The following PCDHA10 variants were observed in gnomAD, a reference collection of about 807,000 sequenced individuals.
PCDHA10 encodes the protein protocadherin alpha-10.
Under a neutral mutation model 61.2 loss-of-function variants are expected in PCDHA10, and 45 were observed. That is an observed-to-expected ratio of 0.74 (90% confidence interval 0.58 to 0.94). The LOEUF (loss-of-function observed/expected upper bound fraction) is 0.94. PCDHA10 is among the 40% of genes least tolerant of loss of function. The probability of loss-of-function intolerance (pLI) is 0.00; values close to 1 mark genes in which losing one functional copy is unlikely to be tolerated. For missense variants in PCDHA10, 1,278 were observed against 1,236.2 expected, an observed-to-expected ratio of 1.03 and a Z score of -0.51; for synonymous variants, 602 against 548.8, an observed-to-expected ratio of 1.10 and a Z score of -1.35.
intron 1 of PCDHA10, among the ~76,000 whole-genome samples, chr5:140,880,574 AGAGAG>A (rs2058389036): frequency 1.3e-5 from 2 of 152,226 alleles, no homozygotes; most frequent in African/African-American, 4.8e-5. Flanking sequence ...GAATTTGAGA[AGAGAG>A]GAAAGAGAAT....
chr5:140,920,277 T>C (rs1275415444), intron 1 of PCDHA10, among the ~76,000 whole-genome samples: 1 of 152,230 alleles, frequency 6.6e-6, no homozygotes, highest in African/African-American at 2.4e-5. Context: ...TTATGTAATC[T>C]TATATTTTTT....
intron 3 of PCDHA10, among the ~76,000 whole-genome samples, chr5:140,992,867 C>T (rs2097531825): frequency 6.6e-6 from 1 of 152,184 alleles, no homozygotes; most frequent in Admixed American, 6.5e-5. Context: ...CTCTAGCTCC[C>T]TCCTTGATAT....
intron 1 of PCDHA10, among the ~76,000 whole-genome samples, chr5:140,925,606 C>A (rs1554202814): frequency 1.3e-5 from 2 of 150,882 alleles, no homozygotes; most frequent in African/African-American, 4.9e-5. Context: ...TGTAACAAAC[C>A]TGCACGTTGT....
chr5:140,968,068 C>T (rs1554230278), intron 1 of PCDHA10: 1 of 1,614,024 alleles, frequency 6.2e-7, no homozygotes, highest in East Asian at 2.2e-5. Context: ...GGGTGGCTGT[C>T]TACAACATCA....
At chr5:140,920,084 T>C (rs2079442648) in intron 1 of PCDHA10, among the ~76,000 whole-genome samples, 1 of 152,196 alleles carries the variant, frequency 6.6e-6, no homozygotes, top group Non-Finnish European at 1.5e-5. Context: ...AGATTCTCCG[T>C]AGAGCCTCTA....
chr5:140,947,905 G>C (rs181055131), intron 1 of PCDHA10, among the ~76,000 whole-genome samples: 1 of 151,610 alleles, frequency 6.6e-6, no homozygotes, highest in East Asian at 1.9e-4. Flanking sequence ...GGTGAGAGCA[G>C]ACATTCTTGC....
chr5:140,898,118 A>T (rs2153459272), intron 1 of PCDHA10, among the ~76,000 whole-genome samples: 1 of 151,730 alleles, frequency 6.6e-6, no homozygotes, highest in Non-Finnish European at 1.5e-5. Context: ...GGTTGCGAAA[A>T]TTTTCTCCCA....
intron 3 of PCDHA10, among the ~76,000 whole-genome samples, chr5:141,000,421 A>ATATAT (rs1265241806): frequency 3.6e-5 from 1 of 27,980 alleles, no homozygotes; most frequent in East Asian, 1.4e-3. Flanking sequence ...ATATATATAT[A>ATATAT]TTTTTTTTTT....
At position 140,978,454 on chromosome 5, in the gene PCDHA10, C is replaced by T. The variant is rs980177257; in HGVS notation, c.2389-495C>T. Among the ~76,000 whole-genome samples, 5 of 152,314 alleles carry T rather than the reference C, an allele frequency of 3.3e-5. No individual in the cohort carries two copies. The South Asian group carries it at 8.3e-4, about 25-fold the overall frequency. ...TGCTGGTGTTATGACTGGGCACATC[C>T]GCCCTGGGTCAAATATGCTGCAGTC... On this transcript the variant is annotated intron_variant, in intron 1 of 3. Coordinates refer to ENST00000307360, the MANE Select transcript of PCDHA10 (RefSeq NM_018901.4).
At chr5:140,882,732 A>C in intron 1 of PCDHA10, 1 of 1,614,228 alleles carries the variant, frequency 6.2e-7, no homozygotes, top group Non-Finnish European at 8.5e-7. Context: ...TTTCCACTAG[A>C]TGGCGCATCC....
chr5:140,859,066 G>A (rs949613185), intron 1 of PCDHA10: 1 of 150,848 alleles, frequency 6.6e-6, no homozygotes, highest in Non-Finnish European at 1.5e-5. Flanking sequence ...TATTTTAGTT[G>A]TAGTGGTACC....
chr5:140,972,391 C>T (rs1554234093), intron 1 of PCDHA10, among the ~76,000 whole-genome samples: 3 of 151,490 alleles, frequency 2.0e-5, no homozygotes, highest in African/African-American at 7.3e-5. Flanking sequence ...TGTTTATTTG[C>T]TTCACTATTG....
At chr5:140,869,359 G>A in intron 1 of PCDHA10, 1 of 1,614,110 alleles carries the variant, frequency 6.2e-7, no homozygotes, top group Non-Finnish European at 8.5e-7. Context: ...CATTTTGTTT[G>A]TGAATTCTCG....
At chr5:140,967,428 C>T (rs782709354) in intron 1 of PCDHA10, 2 of 1,613,402 alleles carry the variant, frequency 1.2e-6, no homozygotes, top group East Asian at 4.5e-5. Context: ...GAGCAGGCAG[C>T]CTTGCACCAC....
At chr5:140,980,684 GAAAA>G (rs782726576) in intron 2 of PCDHA10, among the ~76,000 whole-genome samples, 3 of 145,064 alleles carry the variant, frequency 2.1e-5, no homozygotes, top group Non-Finnish European at 4.6e-5. Flanking sequence ...TTTTCAAATT[GAAAA>G]AAAAAAGCCA....
chr5:140,986,566 TTA>T (rs782155316), intron 3 of PCDHA10, among the ~76,000 whole-genome samples: 3 of 152,114 alleles, frequency 2.0e-5, no homozygotes, highest in Non-Finnish European at 4.4e-5. Context: ...TTGTTATCTG[TTA>T]TTGGTTTTTC....
At chr5:140,982,318 G>A (rs2096977750) in intron 2 of PCDHA10, 157 bp from the exon 3 acceptor site, 3 of 1,356,910 alleles carry the variant, frequency 2.2e-6, no homozygotes, top group Non-Finnish European at 2.9e-6. Context: ...AGTTTATGCA[G>A]GGTGACTGCT....
At chr5:140,909,624 G>A (rs2074611325) in intron 1 of PCDHA10, among the ~76,000 whole-genome samples, 1 of 152,092 alleles carries the variant, frequency 6.6e-6, no homozygotes, top group African/African-American at 2.4e-5. Context: ...GCTCTAATTG[G>A]TCTTCCTATT....
At chr5:140,877,599 C>A in intron 1 of PCDHA10, 1 of 1,613,882 alleles carries the variant, frequency 6.2e-7, no homozygotes, top group South Asian at 1.1e-5. Flanking sequence ...CGGTGTCCAG[C>A]CTGCTGGTGC....
Sources: allele counts gnomAD v4.1 joint callset (sites outside exome capture counted in the v4.1 genomes callset), GRCh38; gene constraint gnomAD v4.1.1; transcripts MANE v1.5; gene names NCBI Gene and HGNC (gene_info 2026-07-23, HGNC 2026-07-21).